B4GALNT2: variants seen among roughly 807,000 people sequenced by gnomAD.
B4GALNT2 encodes beta-1,4-N-acetyl-galactosaminyltransferase 2 (SID blood group), also known as N-acetylneuraminylgalactosylglucosyl-glucoside beta-1,4-N- acetylgalactosaminyltransferase 2.
A neutral mutation model predicts 51.1 loss-of-function variants in B4GALNT2; 42 were observed. That is an observed-to-expected ratio of 0.82 (90% confidence interval 0.64 to 1.06). The LOEUF (loss-of-function observed/expected upper bound fraction) is 1.06. Among genes scored for constraint, B4GALNT2 ranks in the 50% least tolerant of loss-of-function variants. The pLI is 0.00. For missense variants in B4GALNT2, 602 were observed against 633.6 expected (o/e 0.95, Z 0.54); for synonymous variants, 253 against 251.7 (o/e 1.01, Z -0.05).
intron 1 of B4GALNT2, chr17:49,133,252 C>T (rs759816621): frequency 1.4e-6 from 2 of 1,458,560 alleles, no homozygotes; most frequent in South Asian, 2.8e-5. Flanking sequence ...GGACTGCGGG[C>T]TGTGGACAGT....
chr17:49,144,281 A>G (rs7220103), intron 3 of B4GALNT2, among the ~76,000 whole-genome samples: 10,425 of 152,276 alleles, frequency 0.068, 542 homozygotes, highest in African/African-American at 0.13. Context: ...TAAGTTTCTA[A>G]CACATGAAAT....
At chr17:49,155,128 G>C (rs2042795953) in intron 4 of B4GALNT2, among the ~76,000 whole-genome samples, 1 of 151,740 alleles carries the variant, frequency 6.6e-6, no homozygotes, top group Non-Finnish European at 1.5e-5. Flanking sequence ...GGCCAACATA[G>C]TGAAACCTTG....
In B4GALNT2 at chr17:49,174,192, A is replaced by G. The variant is rs1239388919; in HGVS notation, c.*4464A>G. 6.6e-6 allele frequency: 1 copy of G among 152,220 alleles called. No individual in the cohort carries two copies. Among genetic ancestry groups the G allele is most frequent in the African/African-American group, 2.4e-5 (1 of 41,460 alleles). The allele number at this position is 152,220 out of a possible 1,614,324, so 9.4% of individuals were successfully genotyped here. On this transcript the variant is annotated 3_prime_UTR_variant, in exon 11 of 11. Coordinates refer to ENST00000393354, the MANE Select transcript of B4GALNT2 (RefSeq NM_001159387.2). ...GAGAAATCAAATTTTGCAAGTGATC[A>G]TAACATTGGAGTAATATTTCTCGAG...
chr17:49,128,673 C>T (rs889129589), upstream of B4GALNT2, among the ~76,000 whole-genome samples: 1 of 152,108 alleles, frequency 6.6e-6, no homozygotes, highest in Non-Finnish European at 1.5e-5. Flanking sequence ...TAAAAGGTGC[C>T]ATATTTGGGC....
intron 1 of B4GALNT2, among the ~76,000 whole-genome samples, chr17:49,138,693 A>G (rs2042612830): frequency 6.6e-6 from 1 of 152,164 alleles, no homozygotes; most frequent in Non-Finnish European, 1.5e-5. Flanking sequence ...CCTGGCCAAC[A>G]TGGTGAAACC....
chr17:49,138,671 A>AG lies in B4GALNT2; in HGVS notation c.15-2576_15-2575insG, dbSNP rs1176109501. Among the ~76,000 whole-genome samples the AG allele has an allele frequency of 2.4e-3, 373 of 152,274 alleles. 6 individuals carry two copies. Among genetic ancestry groups the AG allele is most frequent in the African/African-American group, 8.2e-3 (341 of 41,560 alleles). ...GGCAGGCAGATCACCTGAGGTCAGTATTTGAGACCAGCCTGGCCAACATGG... is the reference window on the plus strand; with the variant it reads ...GGCAGGCAGATCACCTGAGGTCAGTAGTTTGAGACCAGCCTGGCCAACATGG... On this transcript the variant is annotated intron_variant, in intron 1 of 10. Transcript: ENST00000393354.
At chr17:49,142,309 A>G (rs1334553379) in intron 3 of B4GALNT2, 137 bp downstream of exon 3, 1 of 1,118,980 alleles carries the variant, frequency 8.9e-7, no homozygotes, top group South Asian at 1.7e-5. Context: ...AACTATTAGG[A>G]ATGAAACAAA....
upstream of B4GALNT2, chr17:49,132,709 C>T: frequency 7.4e-7 from 1 of 1,355,924 alleles, no homozygotes; most frequent in Non-Finnish European, 9.5e-7. Flanking sequence ...AGAATTTGCC[C>T]GGGTCGGTGC....
In B4GALNT2 at chr17:49,169,686, G is replaced by T; in HGVS notation, c.1479G>T (p.Leu493=). 6.2e-7 allele frequency: 1 copy of T among 1,602,872 alleles called. No homozygotes were observed. Among genetic ancestry groups the T allele is most frequent in the Non-Finnish European group, 8.5e-7 (1 of 1,172,888 alleles). Residue 493 remains leucine (L), a synonymous_variant, in exon 11 of 11, where the codon CTG becomes CTT. Coordinates refer to ENST00000393354, the MANE Select transcript of B4GALNT2 (RefSeq NM_001159387.2). ...CCCTCACCCGGGTCCAGTTCAAGCT[G>T]GCCCTCCACTACTTCAAGAACCATC... is the stretch of plus-strand genomic sequence containing the variant. ...SNTLTRVQFK[L]ALHYFKNHLQ...
At chr17:49,145,720 A>G (rs1269107217) in intron 3 of B4GALNT2, among the ~76,000 whole-genome samples, 1 of 152,168 alleles carries the variant, frequency 6.6e-6, no homozygotes, top group Non-Finnish European at 1.5e-5. Context: ...TGGTAATACT[A>G]AGAGACACCC....
chr17:49,163,157 C>T (rs538696645), intron 7 of B4GALNT2, among the ~76,000 whole-genome samples: 67 of 152,274 alleles, frequency 4.4e-4, no homozygotes, highest in African/African-American at 1.6e-3. Context: ...CCAAACACAT[C>T]TGCAGCTCCA....
chr17:49,174,544 T>C lies in B4GALNT2; in HGVS notation c.*4816T>C, dbSNP rs1039706155. Reference sequence around the variant, plus strand: ...CTGGCTGCAATGTCCCCATAGGTTGTATAACTGAATTAATGGCTCTTAAGT... The same window carrying C: ...CTGGCTGCAATGTCCCCATAGGTTGCATAACTGAATTAATGGCTCTTAAGT... On this transcript the variant is annotated 3_prime_UTR_variant, in exon 11 of 11. Coordinates refer to ENST00000393354, the MANE Select transcript of B4GALNT2 (RefSeq NM_001159387.2). 6.6e-6 allele frequency: 1 copy of C among 152,246 alleles called. No individual in the cohort carries two copies. The highest frequency in any genetic ancestry group is 6.5e-5 in the Admixed American group (1 of 15,284). 9.4% of individuals were successfully genotyped at this position (152,246 alleles called of 1,614,324 possible). A position where few individuals can be genotyped will look rare whatever the true frequency, so the allele number is the denominator to read the frequency against.
intron 4 of B4GALNT2, 24 bp from the exon 5 acceptor site, chr17:49,156,542 T>C (rs1221910102): frequency 6.2e-7 from 1 of 1,613,640 alleles, no homozygotes; most frequent in Non-Finnish European, 8.5e-7. Flanking sequence ...AGCAGTTTTC[T>C]TTCCTTTTCC....
chr17:49,148,699 C>T (rs368409007), intron 3 of B4GALNT2: 318 of 561,548 alleles, frequency 5.7e-4, no homozygotes, highest in Middle Eastern at 1.6e-3. Context: ...ACCTTCTTGT[C>T]TGCCAGCTCC....
At chr17:49,148,139 A>G (rs2042713769) in intron 3 of B4GALNT2, among the ~76,000 whole-genome samples, 1 of 151,816 alleles carries the variant, frequency 6.6e-6, no homozygotes, top group Admixed American at 6.6e-5. Context: ...GTCTCTACTA[A>G]AAATACAAAA....
chr17:49,139,186 T>C (rs2042617033), intron 1 of B4GALNT2, among the ~76,000 whole-genome samples: 1 of 152,224 alleles, frequency 6.6e-6, no homozygotes, highest in Non-Finnish European at 1.5e-5. Context: ...TATAAGCTAA[T>C]CTTACTGCAT....
intron 3 of B4GALNT2, among the ~76,000 whole-genome samples, chr17:49,150,608 G>T (rs2042743762): frequency 1.3e-5 from 2 of 151,578 alleles, no homozygotes; most frequent in African/African-American, 4.9e-5. Context: ...GGATCCTGTT[G>T]ATCTGTGACC....
chr17:49,134,146 A>G (rs541782490), intron 1 of B4GALNT2, among the ~76,000 whole-genome samples: 7 of 152,296 alleles, frequency 4.6e-5, no homozygotes, highest in Non-Finnish European at 1.0e-4. Context: ...ATAAATTTAA[A>G]GCTGGCAAAT....
At chr17:49,144,380 C>G (rs1374856749) in intron 3 of B4GALNT2, among the ~76,000 whole-genome samples, 1 of 152,238 alleles carries the variant, frequency 6.6e-6, no homozygotes, top group Non-Finnish European at 1.5e-5. Context: ...GAGGCACCGT[C>G]TCCATCAGGA....
Sources: allele counts gnomAD v4.1 joint callset (sites outside exome capture counted in the v4.1 genomes callset), GRCh38; gene constraint gnomAD v4.1.1; transcripts MANE v1.5; gene names NCBI Gene and HGNC (gene_info 2026-07-23, HGNC 2026-07-21).